The following EXOC6 variants were observed in gnomAD, a reference collection of about 807,000 sequenced individuals.
The protein encoded by EXOC6 is SEC15-like 1.
In EXOC6, 60 loss-of-function variants were observed where a neutral mutation model predicts 112.5. That is an observed-to-expected ratio of 0.53 (90% CI 0.43 to 0.66). The LOEUF (loss-of-function observed/expected upper bound fraction) is 0.66. Among genes scored for constraint, EXOC6 ranks in the 30% least tolerant of loss-of-function variants. EXOC6 has a pLI of 0.00. For synonymous variants in EXOC6, 295 were observed against 308.0 expected (o/e 0.96, Z 0.44); for missense variants, 855 against 957.1 (o/e 0.89, Z 1.41).
chr10:92,860,265 C>CTTTTTTTTT (rs35900396), intron 1 of EXOC6, among the ~76,000 whole-genome samples: 2 of 88,000 alleles, frequency 2.3e-5, no homozygotes, highest in Admixed American at 1.5e-4. Flanking sequence ...ATCTCCACAA[C>CTTTTTTTTT]TTTTTTTTTT....
intron 20 of EXOC6, among the ~76,000 whole-genome samples, chr10:93,056,373 T>G (rs1487419903): frequency 6.6e-6 from 1 of 152,194 alleles, no homozygotes; most frequent in African/African-American, 2.4e-5. Context: ...TTCATAATAC[T>G]ACAGAGGATC....
At chr10:92,848,457 G>A, upstream of EXOC6, 5 of 710,882 alleles carry the variant, frequency 7.0e-6, no homozygotes, top group Non-Finnish European at 9.2e-6. Context: ...CCGCCCCTTC[G>A]CGCTCGCGCC....
chr10:92,835,464 T>G (rs1245139748), intron 1 of EXOC6, among the ~76,000 whole-genome samples: 2 of 152,248 alleles, frequency 1.3e-5, no homozygotes, highest in African/African-American at 2.4e-5. Context: ...TTTAATTCTC[T>G]ATGTCTGCCT....
intron 20 of EXOC6, among the ~76,000 whole-genome samples, chr10:93,043,409 C>G (rs1845875879): frequency 6.6e-6 from 1 of 152,086 alleles, no homozygotes; most frequent in Non-Finnish European, 1.5e-5. Flanking sequence ...AGAATACTTC[C>G]AGTTTTCTTA....
chr10:93,050,052 A>T (rs835279), intron 20 of EXOC6, among the ~76,000 whole-genome samples: 19,854 of 152,088 alleles, frequency 0.13, 1,436 homozygotes, highest in African/African-American at 0.18. Context: ...AAAAAAAAAA[A>T]TTTTAAAGTT....
intron 20 of EXOC6, among the ~76,000 whole-genome samples, chr10:93,017,395 C>T (rs1021439066): frequency 2.6e-5 from 4 of 151,094 alleles, no homozygotes; most frequent in Non-Finnish European, 4.4e-5. Context: ...TAGAAACCAT[C>T]CTGGCCAACA....
chr10:92,831,237 T>C (rs1846469756), upstream of EXOC6: 6 of 864,336 alleles, frequency 6.9e-6, no homozygotes, highest in Middle Eastern at 4.0e-4. Context: ...TGGGGAGAGC[T>C]GAGGAGCAGA....
intron 17 of EXOC6, among the ~76,000 whole-genome samples, chr10:92,959,884 A>G (rs1853890395): frequency 6.6e-6 from 1 of 152,238 alleles, no homozygotes. Context: ...GATGTGGAGC[A>G]ACAGAAGCTC....
rs985554434 is a variant in EXOC6 at position 93,059,259 on chromosome 10, C to T, written c.*904C>T. The T allele has an allele frequency of 2.0e-5, 3 of 152,158 alleles. No individual in the cohort carries two copies. The highest frequency in any genetic ancestry group is 4.4e-5 in the Non-Finnish European group (3 of 68,034). The allele number at this position is 152,158 out of a possible 1,614,324, so 9.4% of individuals were successfully genotyped here. On this transcript the variant is annotated 3_prime_UTR_variant, in exon 22 of 22. Transcript: ENST00000260762. ...GCCAAACCAAATGAACTCTGGAAAA[C>T]CTAAAACAAATGTACATTTTCCTTT...
intron 1 of EXOC6, among the ~76,000 whole-genome samples, chr10:92,835,785 G>A (rs1398573191): frequency 3.3e-5 from 5 of 152,196 alleles, no homozygotes; most frequent in African/African-American, 1.2e-4. Flanking sequence ...ATTGAGATTT[G>A]TTGGTTGATT....
At chr10:92,939,081 T>C (rs1236642712) in intron 12 of EXOC6, among the ~76,000 whole-genome samples, 9 of 152,006 alleles carry the variant, frequency 5.9e-5, no homozygotes, top group Non-Finnish European at 2.9e-5. Context: ...GAAGGGCAAA[T>C]AGTGGTGATT....
At chr10:92,960,062 A>G (rs1408228722) in intron 17 of EXOC6, among the ~76,000 whole-genome samples, 2 of 152,222 alleles carry the variant, frequency 1.3e-5, no homozygotes, top group Non-Finnish European at 2.9e-5. Flanking sequence ...TTGCACATGG[A>G]TGTTTATAGC....
At chr10:92,872,195 T>C (rs1019205483) in intron 1 of EXOC6, among the ~76,000 whole-genome samples, 1 of 152,156 alleles carries the variant, frequency 6.6e-6, no homozygotes, top group Non-Finnish European at 1.5e-5. Context: ...CTGATATATC[T>C]TCCTTATTGC....
chr10:92,963,646 C>T (rs919899549), intron 17 of EXOC6, among the ~76,000 whole-genome samples: 3 of 151,420 alleles, frequency 2.0e-5, no homozygotes, highest in African/African-American at 4.9e-5. Flanking sequence ...TACCATCTTA[C>T]CTGGCCGATT....
chr10:92,911,913 C>G (rs1334253212), intron 6 of EXOC6, among the ~76,000 whole-genome samples: 2 of 123,392 alleles, frequency 1.6e-5, no homozygotes, highest in Non-Finnish European at 3.3e-5. Flanking sequence ...CTCTCTCTCT[C>G]TCTCTCTCTC....
At position 92,893,399 on chromosome 10, in the gene EXOC6, T is replaced by G. The variant is rs1849601061; in HGVS notation, c.152T>G (p.Leu51Ter). 1.2e-6 allele frequency: 2 copies of G among 1,612,868 alleles called. No homozygotes were observed. Among genetic ancestry groups the G allele is most frequent in the African/African-American group, 2.7e-5 (2 of 74,888 alleles). ...PNAHKKFMEK[L>*]DACIRNHDKE... ...GCGCACAAGAAGTTTATGGAAAAGT[T>G]AGATGCTTGTATCCGTAATCATGAC... The change falls in exon 2 of 22, where the codon TTA becomes TGA. Residue 51 changes from leucine (L) to a stop codon, truncating the protein, a stop_gained. Coordinates refer to ENST00000260762, the MANE Select transcript of EXOC6 (RefSeq NM_019053.6). LOFTEE classifies it high-confidence loss of function.
chr10:93,046,742 T>A (rs1298255135), intron 20 of EXOC6, among the ~76,000 whole-genome samples: 1 of 151,898 alleles, frequency 6.6e-6, no homozygotes, highest in African/African-American at 2.4e-5. Context: ...GGATTACAGG[T>A]GCCCACCACC....
At chr10:93,014,347 C>A in intron 20 of EXOC6, 80 bp downstream of exon 20, 1 of 1,059,330 alleles carries the variant, frequency 9.4e-7, no homozygotes, top group Non-Finnish European at 1.4e-6. Context: ...ATTAATGCTA[C>A]AGGAATGCCT....
chr10:92,973,146 T>A (rs1002221755), intron 17 of EXOC6, among the ~76,000 whole-genome samples: 2 of 152,326 alleles, frequency 1.3e-5, no homozygotes, highest in Middle Eastern at 6.8e-3. Context: ...GACATCCCTG[T>A]AAATAGGCAT....
Sources: allele counts gnomAD v4.1 joint callset (sites outside exome capture counted in the v4.1 genomes callset), GRCh38; gene constraint gnomAD v4.1.1; transcripts MANE v1.5; gene names NCBI Gene and HGNC (gene_info 2026-07-23, HGNC 2026-07-21).